Variants in PPARD observed in about 807,000 individuals in gnomAD.
The protein encoded by PPARD is peroxisome proliferator-activated receptor delta.
In PPARD, 6 loss-of-function variants were observed where a neutral mutation model predicts 39.5. The ratio of observed to expected loss-of-function variants is 0.15; its 90% confidence interval spans 0.08 to 0.30. The LOEUF (loss-of-function observed/expected upper bound fraction) is 0.30. Among genes scored for constraint, PPARD ranks in the 10% least tolerant of loss-of-function variants. The pLI, the probability that PPARD is intolerant of heterozygous loss-of-function variation, is 1.00. For missense variants in PPARD, 397 were observed against 596.8 expected (o/e 0.67, Z 3.49); for synonymous variants, 210 against 231.3 (o/e 0.91, Z 0.83).
intron 2 of PPARD, among the ~76,000 whole-genome samples, chr6:35,364,741 G>A (rs928137226): frequency 9.2e-4 from 138 of 149,382 alleles, no homozygotes; most frequent in African/African-American, 2.7e-3. Flanking sequence ...TTTTTGAGAC[G>A]GGGTCTCACT....
rs201482797 is a variant in PPARD at position 35,411,122 on chromosome 6, G to A, written c.35G>A (p.Arg12Gln). 16 of 1,581,204 alleles carry A rather than the reference G, an allele frequency of 1.0e-5. No homozygotes were observed. The highest frequency in any genetic ancestry group is 1.7e-4 in the Middle Eastern group (1 of 5,954). The change falls in exon 3 of 8, where the codon CGG (arginine) becomes CAG (glutamine). Residue 12 changes from arginine (R) to glutamine (Q), a missense_variant. Physicochemically the swap from Arg to Gln is conservative, Grantham distance 43. Transcript: ENST00000360694. ...EQPQEEAPEVREEEEKEEVAE... is the reference protein window; with the variant it reads ...EQPQEEAPEVQEEEEKEEVAE... The stretch of plus-strand genomic sequence containing the variant: ...CCACAGGAGGAAGCCCCTGAGGTCC[G>A]GGAAGAGGAGGAGAAAGAGGAAGTG...
Position 35,426,137 on chromosome 6 carries a change from C to G in PPARD, c.*58C>G. Reference sequence around the variant, plus strand: ...TGGGGCCAGCACTGGAGGGGCCCACCCACATGACTTTTCCATTGACCAGCC... The same window carrying G: ...TGGGGCCAGCACTGGAGGGGCCCACGCACATGACTTTTCCATTGACCAGCC... On this transcript the variant is annotated 3_prime_UTR_variant, in exon 8 of 8. Coordinates refer to ENST00000360694, the MANE Select transcript of PPARD (RefSeq NM_006238.5). 9 of 1,572,904 alleles carry G rather than the reference C, an allele frequency of 5.7e-6. No individual in the cohort carries two copies. In the South Asian group the frequency reaches 1.0e-4, roughly 18 times the overall value.
intron 2 of PPARD, among the ~76,000 whole-genome samples, chr6:35,386,654 A>G (rs931863184): frequency 2.0e-5 from 3 of 152,040 alleles, no homozygotes; most frequent in Non-Finnish European, 2.9e-5. Context: ...GATAGAATCT[A>G]CCTCACTGTT....
At chr6:35,411,625 AAC>A (rs1231978624) in intron 3 of PPARD, among the ~76,000 whole-genome samples, 2 of 152,228 alleles carry the variant, frequency 1.3e-5, no homozygotes, top group African/African-American at 2.4e-5. Context: ...GATCAGTCGA[AAC>A]ACACAGTTCA....
intron 2 of PPARD, among the ~76,000 whole-genome samples, chr6:35,385,881 G>C (rs181662167): frequency 6.6e-6 from 1 of 152,200 alleles, no homozygotes; most frequent in Non-Finnish European, 1.5e-5. Context: ...GAGCAGGGAA[G>C]CCAGCCAAGA....
At chr6:35,421,510 C>G (rs1766169067) in intron 4 of PPARD, among the ~76,000 whole-genome samples, 1 of 144,762 alleles carries the variant, frequency 6.9e-6, no homozygotes, top group Non-Finnish European at 1.5e-5. Flanking sequence ...GCTAATTTTT[C>G]TGTATTTTTA....
At chr6:35,391,810 G>A (rs983050165) in intron 2 of PPARD, among the ~76,000 whole-genome samples, 14 of 152,160 alleles carry the variant, frequency 9.2e-5, no homozygotes, top group East Asian at 3.9e-4. Context: ...GTACGTATAA[G>A]GAAATAGACA....
intron 3 of PPARD, among the ~76,000 whole-genome samples, chr6:35,419,561 A>T (rs1449108134): frequency 6.6e-6 from 1 of 152,172 alleles, no homozygotes; most frequent in East Asian, 1.9e-4. Context: ...ATGGGAATGA[A>T]CTTGAGCTTC....
chr6:35,396,108 C>T (rs527374608), intron 2 of PPARD, among the ~76,000 whole-genome samples: 3 of 152,226 alleles, frequency 2.0e-5, no homozygotes, highest in East Asian at 3.9e-4. Context: ...CCATCTTCCT[C>T]TCCTGGGTCT....
rs1766573262 is a variant in PPARD at position 35,426,321 on chromosome 6, ATTCCT to A, written c.*243_*247del. ...TTTCTCAGTTCCTCTTTCTTTTCTA[ATTCCT>A]GTTGCTCTGTTTCTTCCTTTCTGTA... On this transcript the variant is annotated 3_prime_UTR_variant, in exon 8 of 8. Coordinates refer to ENST00000360694, the MANE Select transcript of PPARD (RefSeq NM_006238.5). 7.0e-6 allele frequency: 4 copies of A among 567,852 alleles called. No individual in the cohort carries two copies. Among genetic ancestry groups the A allele is most frequent in the Non-Finnish European group, 1.2e-5 (4 of 322,582 alleles). The allele number at this position is 567,852 out of a possible 1,614,324, so 35.2% of individuals were successfully genotyped here. A position where few individuals can be genotyped will look rare whatever the true frequency, so the allele number is the denominator to read the frequency against.
intron 2 of PPARD, 141 bp downstream of exon 2, chr6:35,347,291 G>A (rs1792241877): frequency 1.0e-6 from 1 of 996,800 alleles, no homozygotes; most frequent in African/African-American, 1.6e-5. Flanking sequence ...TCTGGTACCA[G>A]TTGCTTATGC....
intron 2 of PPARD, among the ~76,000 whole-genome samples, chr6:35,403,699 T>C (rs139167014): frequency 7.9e-5 from 12 of 151,848 alleles, no homozygotes; most frequent in Non-Finnish European, 8.8e-5. Context: ...CAGTTTGGTG[T>C]AGTGATTGCA....
At chr6:35,399,432 G>A (rs1040137725) in intron 2 of PPARD, among the ~76,000 whole-genome samples, 1 of 149,700 alleles carries the variant, frequency 6.7e-6, no homozygotes, top group African/African-American at 2.5e-5. Flanking sequence ...AAGGCTGGGT[G>A]CAGTGGCTCA....
intron 1 of PPARD, 100 bp downstream of exon 1, chr6:35,342,781 G>A (rs1238178879): frequency 6.6e-6 from 1 of 152,378 alleles, no homozygotes; most frequent in Non-Finnish European, 1.5e-5. Context: ...GCCCGGCGGC[G>A]GGGAACGGGG....
rs145550632 is a variant in PPARD, at chr6:35,387,490, C to T, written c.-101-23497C>T. ...GGGACTGACTGGACTCAGGATCTCC[C>T]ACCCCAGCCCCAGGGGTGAAGGTGA... On this transcript the variant is annotated intron_variant, in intron 2 of 7. Coordinates refer to ENST00000360694, the MANE Select transcript of PPARD (RefSeq NM_006238.5). Among the ~76,000 whole-genome samples, 948 of 152,094 alleles carry T rather than the reference C, an allele frequency of 6.2e-3. 3 individuals are homozygous for T. Among genetic ancestry groups the T allele is most frequent in the Middle Eastern group, 0.017 (5 of 294 alleles).
At chr6:35,343,446 C>T (rs1354539628) in intron 1 of PPARD, among the ~76,000 whole-genome samples, 1 of 152,168 alleles carries the variant, frequency 6.6e-6, no homozygotes, top group East Asian at 1.9e-4. Context: ...CTTTTCTCTC[C>T]CTGTTCCTTT....
intron 2 of PPARD, among the ~76,000 whole-genome samples, chr6:35,398,208 A>G (rs1764468240): frequency 6.6e-6 from 1 of 152,144 alleles, no homozygotes; most frequent in African/African-American, 2.4e-5. Flanking sequence ...TGCTGTACAG[A>G]GAGTGGGTGG....
In PPARD at chr6:35,370,110, G is replaced by A. The variant is rs147395835; in HGVS notation, c.-102+22960G>A. On this transcript the variant is annotated intron_variant, in intron 2 of 7. Transcript: ENST00000360694. Reference sequence around the variant, plus strand: ...TGGGTTAATTTGTACAGGAAGTCCTGTGATCTTTTGAATGATGATATTCTC... The same window carrying A: ...TGGGTTAATTTGTACAGGAAGTCCTATGATCTTTTGAATGATGATATTCTC... Among the ~76,000 whole-genome samples, 417 of 152,286 alleles carry A rather than the reference G, an allele frequency of 2.7e-3. 3 individuals carry two copies. The highest frequency in any genetic ancestry group is 9.7e-3 in the African/African-American group (403 of 41,558).
chr6:35,416,667 A>G (rs994358053), intron 3 of PPARD, among the ~76,000 whole-genome samples: 3 of 152,174 alleles, frequency 2.0e-5, no homozygotes, highest in African/African-American at 7.2e-5. Flanking sequence ...CCAGGACATC[A>G]TGATGCGGGG....
Sources: allele counts gnomAD v4.1 joint callset (sites outside exome capture counted in the v4.1 genomes callset), GRCh38; gene constraint gnomAD v4.1.1; transcripts MANE v1.5; gene names NCBI Gene and HGNC (gene_info 2026-07-23, HGNC 2026-07-21).